The following ABCG5 variants were observed in gnomAD, a reference collection of about 807,000 sequenced individuals.
ABCG5 encodes the protein ATP binding cassette subfamily G member 5.
A neutral mutation model predicts 64.5 loss-of-function variants in ABCG5; 64 were observed. The ratio of observed to expected loss-of-function variants is 0.99; its 90% CI spans 0.81 to 1.22. The LOEUF (loss-of-function observed/expected upper bound fraction) is 1.22. ABCG5 is among the 50% of genes most tolerant of loss of function. The probability of loss-of-function intolerance (pLI) is 0.00; values close to 1 mark genes in which losing one functional copy is unlikely to be tolerated. For missense variants in ABCG5, 908 were observed against 829.5 expected (o/e 1.09, Z -1.16); for synonymous variants, 385 against 326.3 (o/e 1.18, Z -1.94).
In ABCG5 at chr2:43,837,835, T is replaced by A; in HGVS notation, c.264A>T (p.Ser88=). 1 of 1,613,730 alleles carries A rather than the reference T, an allele frequency of 6.2e-7. No homozygotes were observed. The highest frequency in any genetic ancestry group is 8.5e-7 in the Non-Finnish European group (1 of 1,179,750). The change falls in exon 2 of 13, where the codon TCA becomes TCT. Residue 88 remains serine (S), a splice_region_variant and synonymous_variant. Coordinates refer to ENST00000405322, the MANE Select transcript of ABCG5 (RefSeq NM_022436.3). ...TAGAATCCTCCTTCCCAAGCTTACCTGAGCTTCCTAGGATGCACATGATCT... is the reference window on the plus strand; with the variant it reads ...TAGAATCCTCCTTCCCAAGCTTACCAGAGCTTCCTAGGATGCACATGATCT... ...SGQIMCILGS[S]GSGKTTLLDA...
downstream of ABCG5, chr2:43,810,280 T>A: frequency 1.2e-6 from 1 of 814,226 alleles, no homozygotes; most frequent in Non-Finnish European, 1.5e-6. Flanking sequence ...ACCTAGAGTG[T>A]CGCCATCAGT....
At chr2:43,830,302 G>A (rs566645505) in intron 4 of ABCG5, among the ~76,000 whole-genome samples, 5 of 152,336 alleles carry the variant, frequency 3.3e-5, no homozygotes, top group African/African-American at 1.2e-4. Context: ...GTGCTTTCAC[G>A]TAATCTGATG....
chr2:43,822,480 C>T lies in ABCG5; in HGVS notation c.1463+317G>A, dbSNP rs565656392. 1.2e-5 allele frequency: 9 copies of T among 737,050 alleles called. No homozygotes were observed. The African/African-American group carries it at 3.1e-4, about 25-fold the overall frequency. 45.7% of individuals were successfully genotyped at this position (737,050 alleles called of 1,614,324 possible). A position where few individuals can be genotyped will look rare whatever the true frequency, so the allele number is the denominator to read the frequency against. ...GGCTGCTTTCTCCCCTCCCCCAGGC[C>T]CCCCCCCATGCACCTGGGTCCTAGC... On this transcript the variant is annotated intron_variant, in intron 10 of 12. Coordinates refer to ENST00000405322, the MANE Select transcript of ABCG5 (RefSeq NM_022436.3).
chr2:43,823,798 G>T, intron 9 of ABCG5, 115 bp downstream of exon 9: 3 of 1,232,742 alleles, frequency 2.4e-6, no homozygotes, highest in Non-Finnish European at 3.4e-6. Flanking sequence ...ACCTGGAGAG[G>T]GCTGGGTTTA....
At position 43,828,025 on chromosome 2, in the gene ABCG5, G is replaced by A. The variant is rs756734792; in HGVS notation, c.592C>T (p.Arg198Trp). 15 of 1,613,916 alleles carry A rather than the reference G, an allele frequency of 9.3e-6. No individual in the cohort carries two copies. Among genetic ancestry groups the A allele is most frequent in the Admixed American group, 5.0e-5 (3 of 60,002 alleles). ...YSLGGISTGE[R>W]RRVSIAAQLL... is the part of the protein sequence containing the mutation. Reference sequence around the variant, plus strand: ...TGGGCTGCGATGGAGACCCGGCGCCGCTCACCCGTGGAAATGCCCCCCAAG... The same window carrying A: ...TGGGCTGCGATGGAGACCCGGCGCCACTCACCCGTGGAAATGCCCCCCAAG... The change falls in exon 5 of 13, where the codon CGG (arginine) becomes TGG (tryptophan). Residue 198 changes from arginine (R) to tryptophan (W), a missense_variant. Physicochemically the swap from Arg to Trp is moderately radical, Grantham distance 101. Transcript: ENST00000405322.
rs868738969 is a variant in ABCG5, at chr2:43,832,054, T to C, written c.295A>G (p.Met99Val). The C allele has an allele frequency of 1.9e-6, 3 of 1,582,596 alleles. No individual in the cohort carries two copies. The highest frequency in any genetic ancestry group is 2.6e-6 in the Non-Finnish European group (3 of 1,165,000). Residue 99 changes from methionine (M) to valine (V), a missense_variant, in exon 3 of 13, where the codon ATG (methionine) becomes GTG (valine). Physicochemically the swap from Met to Val is conservative, Grantham distance 21 (BLOSUM62 1). Coordinates refer to ENST00000405322, the MANE Select transcript of ABCG5 (RefSeq NM_022436.3). ...CCCGCGCGCCCCAGCCTCCCGGACA[T>C]GGCGTCCAGCAGCGTGGTTTTCCCG... is the stretch of plus-strand genomic sequence containing the variant. ...GSGKTTLLDAMSGRLGRAGTF... is the reference protein window; with the variant it reads ...GSGKTTLLDAVSGRLGRAGTF...
Position 43,838,729 on chromosome 2 carries a change from CCA to C in ABCG5, c.-52_-51del. ...AAATTTTCTGGTGGCCGGACCCTCCCCAGAGTGGCTTCAGTTGGGGAGCCCGT... is the reference window on the plus strand; with the variant it reads ...AAATTTTCTGGTGGCCGGACCCTCCCGAGTGGCTTCAGTTGGGGAGCCCGT... On this transcript the variant is annotated 5_prime_UTR_variant, in exon 1 of 13. Coordinates refer to ENST00000405322, the MANE Select transcript of ABCG5 (RefSeq NM_022436.3). This position sits in a 1 kb window ranked among gnomAD's most constrained non-coding sequence, Gnocchi z 4.2. The C allele has an allele frequency of 6.2e-7, 1 of 1,602,674 alleles. No homozygotes were observed. The highest frequency in any genetic ancestry group is 8.5e-7 in the Non-Finnish European group (1 of 1,175,246).
At chr2:43,832,234 G>A in intron 2 of ABCG5, 151 bp from the exon 3 acceptor site, 1 of 1,080,382 alleles carries the variant, frequency 9.3e-7, no homozygotes. Context: ...GCAGGATACA[G>A]GCCCTGCCCT....
chr2:43,809,091 C>T (rs184458028), downstream of ABCG5, among the ~76,000 whole-genome samples: 9 of 152,062 alleles, frequency 5.9e-5, no homozygotes, highest in East Asian at 9.7e-4. Context: ...CAGGTTCAAG[C>T]GATCCTCCCA....
rs572894929 is a variant in ABCG5 at position 43,838,263 on chromosome 2, T to C, written c.143+274A>G. ...TGCATTCGCAGTACCCCCATTCCCATCCACAGAGGGCAGGCCGTAGACACT... is the reference window on the plus strand; with the variant it reads ...TGCATTCGCAGTACCCCCATTCCCACCCACAGAGGGCAGGCCGTAGACACT... On this transcript the variant is annotated intron_variant, in intron 1 of 12. Transcript: ENST00000405322. This position sits in a 1 kb window ranked among gnomAD's most constrained non-coding sequence, Gnocchi z 4.2. 4 of 594,256 alleles carry C rather than the reference T, an allele frequency of 6.7e-6. No individual in the cohort carries two copies. In the South Asian group the frequency reaches 8.0e-5, roughly 12 times the overall value. The allele number at this position is 594,256 out of a possible 1,614,324, so 36.8% of individuals were successfully genotyped here. A position where few individuals can be genotyped will look rare whatever the true frequency, so the allele number is the denominator to read the frequency against.
chr2:43,824,567 A>C, intron 7 of ABCG5, 135 bp from the exon 8 acceptor site: 7 of 1,565,154 alleles, frequency 4.5e-6, no homozygotes, highest in Non-Finnish European at 6.0e-6. Context: ...ATGCCCACCT[A>C]TAAAATCAGA....
intron 11 of ABCG5, among the ~76,000 whole-genome samples, chr2:43,819,656 A>G (rs758436383): frequency 1.3e-5 from 2 of 152,172 alleles, no homozygotes; most frequent in East Asian, 1.9e-4. Flanking sequence ...TTCTCTTGGT[A>G]TAATGGTTTA....
intron 2 of ABCG5, among the ~76,000 whole-genome samples, chr2:43,835,732 C>G (rs142907376): frequency 3.0e-4 from 45 of 152,250 alleles, no homozygotes; most frequent in African/African-American, 8.7e-4. Context: ...AGAGACCCCT[C>G]CCCACTTCTG....
intron 12 of ABCG5, among the ~76,000 whole-genome samples, chr2:43,814,011 C>T (rs992684062): frequency 6.6e-6 from 1 of 152,072 alleles, no homozygotes. Context: ...CCACTGTGCC[C>T]GGCCACCCTG....
chr2:43,822,902 C>G lies in ABCG5; in HGVS notation c.1358G>C (p.Ser453Thr), dbSNP rs778497502. The change falls in exon 10 of 13, where the codon AGT (serine) becomes ACT (threonine). Residue 453 changes from serine to threonine, a missense_variant. Ser to Thr is a moderately conservative substitution (Grantham distance 58, BLOSUM62 1). Coordinates refer to ENST00000405322, the MANE Select transcript of ABCG5 (RefSeq NM_022436.3). ...PVLRAVSDQESQDGLYQKWQM... is the reference protein window; with the variant it reads ...PVLRAVSDQETQDGLYQKWQM... ...CCACTTCTGGTAGAGGCCGTCCTGA[C>G]TCTCCTGGTCGCTGACAGCTCGCAG... The G allele has an allele frequency of 1.9e-5, 30 of 1,613,998 alleles. No homozygotes were observed. The Admixed American group carries it at 2.0e-4, about 11-fold the overall frequency.
rs1240970143 is a variant in ABCG5, at chr2:43,824,085, C to T, written c.1152G>A (p.Leu384=). ...RVTRNLVRNK[L]AVITRLLQNL... ...TCTGAAGGAGACGCGTAATCACTGCCAGCTTATTTCTCACCAAGTTTCTTG... is the reference window on the plus strand; with the variant it reads ...TCTGAAGGAGACGCGTAATCACTGCTAGCTTATTTCTCACCAAGTTTCTTG... The change falls in exon 9 of 13, where the codon CTG becomes CTA. Residue 384 remains leucine (L), a synonymous_variant. Coordinates refer to ENST00000405322, the MANE Select transcript of ABCG5 (RefSeq NM_022436.3). 1.2e-6 allele frequency: 2 copies of T among 1,614,084 alleles called. No homozygotes were observed. Among genetic ancestry groups the T allele is most frequent in the Non-Finnish European group, 1.7e-6 (2 of 1,180,054 alleles).
chr2:43,814,002 C>A (rs1163942262), intron 12 of ABCG5, among the ~76,000 whole-genome samples: 1 of 152,120 alleles, frequency 6.6e-6, no homozygotes, highest in Non-Finnish European at 1.5e-5. Flanking sequence ...AGGCGTGAGC[C>A]ACTGTGCCCG....
downstream of ABCG5, among the ~76,000 whole-genome samples, chr2:43,808,535 A>G (rs1443762648): frequency 6.6e-6 from 1 of 152,240 alleles, no homozygotes; most frequent in African/African-American, 2.4e-5. Flanking sequence ...AACAACATGT[A>G]GGAGGCCAAG....
chr2:43,816,274 GAC>G (rs1247104638), intron 11 of ABCG5, among the ~76,000 whole-genome samples: 1 of 152,214 alleles, frequency 6.6e-6, no homozygotes, highest in Non-Finnish European at 1.5e-5. Flanking sequence ...TGATGAATGA[GAC>G]ACAGCTGCTG....
Sources: allele counts gnomAD v4.1 joint callset (sites outside exome capture counted in the v4.1 genomes callset), GRCh38; gene constraint gnomAD v4.1.1; non-coding constraint Gnocchi (gnomAD v3.1); transcripts MANE v1.5; gene names NCBI Gene and HGNC (gene_info 2026-07-23, HGNC 2026-07-21).